NFU1: variants seen among roughly 807,000 people sequenced by gnomAD.
NFU1 encodes the protein NFU1 iron-sulfur cluster scaffold, also known as NFU1 iron-sulfur cluster scaffold homolog, mitochondrial.
NFU1 carries 30 observed loss-of-function variants against 32.2 expected under a neutral mutation model. The observed-to-expected ratio is 0.93, with a 90% confidence interval of 0.70 to 1.26. The LOEUF is 1.26. NFU1 is among the 50% of genes most tolerant of loss of function. The probability of loss-of-function intolerance (pLI) is 0.00; values close to 1 mark genes in which losing one functional copy is unlikely to be tolerated. For missense variants in NFU1, 306 were observed against 306.6 expected (o/e 1.00, Z 0.02); for synonymous variants, 112 against 104.6 (o/e 1.07, Z -0.43).
Position 69,434,083 on chromosome 2 carries a change from T to C in NFU1, c.63-2078A>G, listed in dbSNP as rs565301968. 2.0e-5 allele frequency among the ~76,000 whole-genome samples: 3 copies of C among 152,084 alleles called. No individual in the cohort carries two copies. In the South Asian group the frequency reaches 6.2e-4, roughly 32 times the overall value. ...TAGGCGTGAGCCACCATGCCCTGCC[T>C]TTTATATGCTTTTTGGATGGAAACA... On this transcript the variant is annotated intron_variant, in intron 1 of 7. Coordinates refer to ENST00000410022, the MANE Select transcript of NFU1 (RefSeq NM_001002755.4).
intron 2 of NFU1, among the ~76,000 whole-genome samples, chr2:69,424,198 A>AATATATATATATAT (rs1177261342): frequency 1.6e-4 from 12 of 74,530 alleles, no homozygotes; most frequent in African/African-American, 5.9e-4. Context: ...AAAAAAAAAA[A>AATATATATATATAT]ATATATATAT....
chr2:69,416,234 A>T (rs1026930560), intron 4 of NFU1: 1 of 150,200 alleles, frequency 6.7e-6, no homozygotes, highest in Non-Finnish European at 1.5e-5. Context: ...TGTTTAAACG[A>T]ATTTCAGAAG....
intron 5 of NFU1, among the ~76,000 whole-genome samples, chr2:69,410,446 G>A (rs1168739848): frequency 1.4e-4 from 21 of 152,150 alleles, no homozygotes; most frequent in Admixed American, 1.2e-3. Flanking sequence ...GAGCATGAAC[G>A]CTGGAGGCAG....
rs1323988573 is a variant in NFU1, at chr2:69,402,518, A to G, written c.546-1980T>C. 2.6e-5 allele frequency among the ~76,000 whole-genome samples: 4 copies of G among 152,182 alleles called. No individual in the cohort carries two copies. The East Asian group carries it at 7.7e-4, about 29-fold the overall frequency. The stretch of plus-strand genomic sequence containing the variant: ...CAATGGCATCTTCTGATGAAGAGAC[A>G]GTCACAATTTTACTGTAGTCCAATT... On this transcript the variant is annotated intron_variant, in intron 6 of 7. Coordinates refer to ENST00000410022, the MANE Select transcript of NFU1 (RefSeq NM_001002755.4).
chr2:69,407,699 A>G (rs1239838127), intron 5 of NFU1, among the ~76,000 whole-genome samples: 1 of 147,488 alleles, frequency 6.8e-6, no homozygotes, highest in African/African-American at 2.6e-5. Context: ...AAAGAAAAGA[A>G]AAAGAAAAAA....
Position 69,437,432 on chromosome 2 carries a change from G to A in NFU1, c.-10C>T, listed in dbSNP as rs955289753. On this transcript the variant is annotated 5_prime_UTR_variant, in exon 1 of 8. Transcript: ENST00000410022. ...TGGCCGTCGCCGCCATCTTAGTCCG[G>A]AGTGCCTAAGGGTCTCCCTGACAGA... 1 of 1,610,336 alleles carries A rather than the reference G, an allele frequency of 6.2e-7. No individual in the cohort carries two copies.
intron 5 of NFU1, among the ~76,000 whole-genome samples, chr2:69,411,764 T>C (rs1334593805): frequency 6.6e-6 from 1 of 152,012 alleles, no homozygotes; most frequent in Non-Finnish European, 1.5e-5. Flanking sequence ...AGCTAATTTT[T>C]GTATTTTTTC....
At chr2:69,438,940 C>CG (rs1673955603), upstream of NFU1, among the ~76,000 whole-genome samples, 1 of 141,432 alleles carries the variant, frequency 7.1e-6, no homozygotes, top group Non-Finnish European at 1.5e-5. Context: ...GACCGCAAGG[C>CG]AGTCCAAGGC....
intron 5 of NFU1, among the ~76,000 whole-genome samples, chr2:69,409,659 A>G (rs920692153): frequency 1.3e-5 from 2 of 152,146 alleles, no homozygotes; most frequent in African/African-American, 4.8e-5. Flanking sequence ...GAAGAAGGGG[A>G]GCTGGCCCAT....
At position 69,418,217 on chromosome 2, in the gene NFU1, T is replaced by G. The variant is rs191937402; in HGVS notation, c.369+1321A>C. Among the ~76,000 whole-genome samples the G allele has an allele frequency of 4.7e-3, 716 of 152,172 alleles. 11 individuals are homozygous for G. The highest frequency in any genetic ancestry group is 0.011 in the Admixed American group (174 of 15,272). On this transcript the variant is annotated intron_variant, in intron 4 of 7. Transcript: ENST00000410022. ...AAATTTGAGACCAGCCTGGAAAACA[T>G]GGCGAAACCCTATCTCTACAAAAAA...
chr2:69,395,931 C>T (rs1482633590), downstream of NFU1: 2 of 234,694 alleles, frequency 8.5e-6, no homozygotes, highest in African/African-American at 4.5e-5. Flanking sequence ...TCTGTTTCTT[C>T]CTGTATGGAA....
chr2:69,419,720 A>G, intron 3 of NFU1, 116 bp from the exon 4 acceptor site: 1 of 694,216 alleles, frequency 1.4e-6, no homozygotes, highest in South Asian at 1.7e-5. Context: ...AGCTTTAACA[A>G]TGATCAACTC....
intron 5 of NFU1, among the ~76,000 whole-genome samples, chr2:69,414,632 A>C (rs1408678209): frequency 1.3e-5 from 2 of 151,620 alleles, no homozygotes; most frequent in East Asian, 3.9e-4. Flanking sequence ...AAAAAAAAAA[A>C]AAAAAAAAAA....
Position 69,423,608 on chromosome 2 carries a change from A to C in NFU1, c.276T>G (p.Ala92=), listed in dbSNP as rs772698947. 1 of 1,613,898 alleles carries C rather than the reference A, an allele frequency of 6.2e-7. No individual in the cohort carries two copies. Among genetic ancestry groups the C allele is most frequent in the African/African-American group, 1.3e-5 (1 of 75,046 alleles). The stretch of plus-strand genomic sequence containing the variant: ...TAGCCAGAGGGGAGCGAAATGCTGC[A>C]GCTGGGGTGGGAAAATCCATGGTCC... The part of the protein sequence containing the change: ...ETRTMDFPTP[A]AAFRSPLARQ... Residue 92 remains alanine, a synonymous_variant, in exon 3 of 8, where the codon GCT becomes GCG. Transcript: ENST00000410022.
intron 7 of NFU1, among the ~76,000 whole-genome samples, chr2:69,398,013 T>C (rs1256916482): frequency 6.6e-6 from 1 of 152,038 alleles, no homozygotes; most frequent in South Asian, 2.1e-4. Context: ...TGAGTAAAAA[T>C]TGGTATTTAT....
intron 4 of NFU1, among the ~76,000 whole-genome samples, chr2:69,418,375 G>A (rs941752560): frequency 6.6e-6 from 1 of 152,186 alleles, no homozygotes; most frequent in Admixed American, 6.5e-5. Flanking sequence ...ACTCTGACCT[G>A]GGTGTGGAGT....
chr2:69,426,552 C>T (rs1305342653), intron 2 of NFU1, among the ~76,000 whole-genome samples: 1 of 151,928 alleles, frequency 6.6e-6, no homozygotes, highest in East Asian at 1.9e-4. Context: ...TCCCAAAATG[C>T]TGGGATTACA....
At chr2:69,438,226 G>A (rs1339426893), upstream of NFU1, among the ~76,000 whole-genome samples, 1 of 151,760 alleles carries the variant, frequency 6.6e-6, no homozygotes, top group African/African-American at 2.4e-5. Context: ...TGTAGGTGGG[G>A]ACTAGAAATC....
chr2:69,429,370 C>G (rs115069821), intron 2 of NFU1, among the ~76,000 whole-genome samples: 1,891 of 152,208 alleles, frequency 0.012, 44 homozygotes, highest in African/African-American at 0.043. Flanking sequence ...TCGAGACCAG[C>G]CTGGGCAACA....
Sources: allele counts gnomAD v4.1 joint callset (sites outside exome capture counted in the v4.1 genomes callset), GRCh38; gene constraint gnomAD v4.1.1; transcripts MANE v1.5; gene names NCBI Gene and HGNC (gene_info 2026-07-23, HGNC 2026-07-21).